Variants in ROBO1 observed in about 807,000 individuals in gnomAD.
ROBO1 encodes the protein roundabout guidance receptor 1.
A neutral mutation model predicts 195.9 loss-of-function variants in ROBO1; 149 were observed. That is an observed-to-expected ratio of 0.76 (90% CI 0.67 to 0.87). The LOEUF (loss-of-function observed/expected upper bound fraction) is 0.87, where lower values mean the gene tolerates loss of function less well. Among genes scored for constraint, ROBO1 ranks in the 40% least tolerant of loss-of-function variants. ROBO1 has a pLI of 0.00. For synonymous variants in ROBO1, 816 were observed against 733.2 expected (o/e 1.11, Z -1.82); for missense variants, 1,933 against 2,068.3 (o/e 0.93, Z 1.27).
intron 2 of ROBO1, among the ~76,000 whole-genome samples, chr3:79,335,330 G>C (rs144020079): frequency 6.4e-4 from 98 of 152,192 alleles, no homozygotes; most frequent in African/African-American, 2.1e-3. Flanking sequence ...GATAAATAAA[G>C]TATCTAGGAA....
At chr3:79,651,229 AG>A (rs1221954796) in intron 1 of ROBO1, among the ~76,000 whole-genome samples, 19 of 152,106 alleles carry the variant, frequency 1.2e-4, no homozygotes, top group African/African-American at 4.3e-4. Context: ...GGGAATCACA[AG>A]GAGGAGTTTG....
chr3:79,646,870 G>A (rs1418917276), intron 1 of ROBO1, among the ~76,000 whole-genome samples: 1 of 151,964 alleles, frequency 6.6e-6, no homozygotes, highest in Non-Finnish European at 1.5e-5. Flanking sequence ...ATCCCATAAA[G>A]ACAGAAAGTA....
intron 1 of ROBO1, among the ~76,000 whole-genome samples, chr3:79,620,060 A>G: frequency 6.6e-6 from 1 of 152,330 alleles, no homozygotes; most frequent in South Asian, 2.1e-4. Flanking sequence ...AGGCATTCCT[A>G]CAGGAACTCC....
intron 3 of ROBO1, among the ~76,000 whole-genome samples, chr3:79,115,086 G>C (rs1363287997): frequency 6.6e-6 from 1 of 152,150 alleles, no homozygotes; most frequent in East Asian, 1.9e-4. Flanking sequence ...AGGAATGATT[G>C]AGCCTCTGAT....
chr3:79,705,860 A>T (rs1947754265), intron 1 of ROBO1, among the ~76,000 whole-genome samples: 1 of 152,096 alleles, frequency 6.6e-6, no homozygotes, highest in Admixed American at 6.6e-5. Flanking sequence ...AGAGTTTTGT[A>T]GTTTTCATCA....
intron 2 of ROBO1, among the ~76,000 whole-genome samples, chr3:79,577,717 AACAC>A (rs58998352): frequency 0.011 from 1,606 of 140,672 alleles, 8 homozygotes; most frequent in South Asian, 0.015. Flanking sequence ...CTTTACTAAA[AACAC>A]ACACACACAC....
chr3:78,706,485 T>G (rs2081554662), intron 8 of ROBO1, among the ~76,000 whole-genome samples: 1 of 152,148 alleles, frequency 6.6e-6, no homozygotes, highest in Admixed American at 6.5e-5. Flanking sequence ...GATAATCTTC[T>G]TAAAACTCTT....
chr3:79,425,431 A>G (rs1283319699), intron 2 of ROBO1, among the ~76,000 whole-genome samples: 1 of 152,154 alleles, frequency 6.6e-6, no homozygotes, highest in Non-Finnish European at 1.5e-5. Flanking sequence ...TGGAAATGCT[A>G]TGATAGGTCA....
chr3:78,688,555 T>A, intron 9 of ROBO1, 93 bp downstream of exon 9: 1 of 1,314,308 alleles, frequency 7.6e-7, no homozygotes, highest in Non-Finnish European at 1.0e-6. Context: ...ATGTGACAGC[T>A]GCATGACTAA....
intron 2 of ROBO1, among the ~76,000 whole-genome samples, chr3:79,571,616 T>G (rs1943280903): frequency 1.3e-5 from 2 of 151,806 alleles, no homozygotes; most frequent in African/African-American, 4.8e-5. Flanking sequence ...TTTGTGAAAA[T>G]CAAAAAGAAT....
chr3:79,333,179 C>T lies in ROBO1; in HGVS notation c.89-207640G>A, dbSNP rs184559224. On this transcript the variant is annotated intron_variant, in intron 2 of 30. Transcript: ENST00000464233. ...GACGGCGCCATTTACTGCACTCCAA[C>T]TTGGGTGACAGAGTGAGACTCTGTC... Among the ~76,000 whole-genome samples, 52 of 149,354 alleles carry T rather than the reference C, an allele frequency of 3.5e-4. No individual in the cohort carries two copies. In the East Asian group the frequency reaches 9.9e-3, roughly 28 times the overall value.
At chr3:78,886,997 A>C (rs1374491957) in intron 4 of ROBO1, among the ~76,000 whole-genome samples, 1 of 152,122 alleles carries the variant, frequency 6.6e-6, no homozygotes, top group East Asian at 1.9e-4. Flanking sequence ...TAGTTATGTA[A>C]TTTTCTGTAT....
At chr3:79,686,335 A>G (rs1007077113) in intron 1 of ROBO1, among the ~76,000 whole-genome samples, 7 of 151,922 alleles carry the variant, frequency 4.6e-5, no homozygotes, top group African/African-American at 1.2e-4. Flanking sequence ...CTCTCTCACC[A>G]CTCCTATTCA....
chr3:79,173,383 C>T (rs1439191922), intron 2 of ROBO1, among the ~76,000 whole-genome samples: 1 of 152,102 alleles, frequency 6.6e-6, no homozygotes, highest in African/African-American at 2.4e-5. Flanking sequence ...TGCTTGCAGG[C>T]CAGCGCGAGT....
intron 1 of ROBO1, among the ~76,000 whole-genome samples, chr3:79,703,683 A>C (rs1947686639): frequency 6.6e-6 from 1 of 151,940 alleles, no homozygotes. Flanking sequence ...AACTAACTTA[A>C]ACTATGTATT....
intron 9 of ROBO1, 134 bp downstream of exon 9, chr3:78,688,514 C>T (rs1183905443): frequency 3.3e-6 from 3 of 916,050 alleles, no homozygotes; most frequent in African/African-American, 3.4e-5. Flanking sequence ...CTAAAATGTT[C>T]TGGGCACTCA....
At chr3:79,698,388 A>G (rs937057349) in intron 1 of ROBO1, among the ~76,000 whole-genome samples, 2 of 151,492 alleles carry the variant, frequency 1.3e-5, no homozygotes, top group African/African-American at 4.8e-5. Flanking sequence ...TAAGATAGGT[A>G]AGATAGATAT....
intron 1 of ROBO1, among the ~76,000 whole-genome samples, chr3:79,636,193 C>G (rs1945490847): frequency 6.6e-6 from 1 of 152,114 alleles, no homozygotes; most frequent in Non-Finnish European, 1.5e-5. Context: ...ACTCTGGCTT[C>G]CTTTTAAACC....
At chr3:79,493,400 A>T (rs1939568945) in intron 2 of ROBO1, among the ~76,000 whole-genome samples, 1 of 152,140 alleles carries the variant, frequency 6.6e-6, no homozygotes, top group African/African-American at 2.4e-5. Flanking sequence ...AACTAAAATT[A>T]AAAATGATTC....
Sources: gnomAD v4.1 joint callset for allele counts (sites outside exome capture counted in the v4.1 genomes callset) on GRCh38, gnomAD v4.1.1 for gene constraint, MANE v1.5 for transcripts, NCBI Gene and HGNC (gene_info 2026-07-23, HGNC 2026-07-21) for gene names.